The following ASIC2 variants were observed in gnomAD, a reference collection of about 807,000 sequenced individuals.
ASIC2 encodes the protein acid sensing ion channel subunit 2.
In ASIC2, 25 loss-of-function variants were observed where a neutral mutation model predicts 57.3. The observed-to-expected ratio is 0.44, with a 90% CI of 0.32 to 0.61. ASIC2 has a LOEUF of 0.61. Among genes scored for constraint, ASIC2 ranks in the 20% least tolerant of loss-of-function variants. The probability of loss-of-function intolerance (pLI) is 0.06; values close to 1 mark genes in which losing one functional copy is unlikely to be tolerated. For synonymous variants in ASIC2, 319 were observed against 307.5 expected (o/e 1.04, Z -0.39); for missense variants, 641 against 738.1 (o/e 0.87, Z 1.52).
chr17:33,248,866 T>G (rs2142129103), intron 1 of ASIC2, among the ~76,000 whole-genome samples: 1 of 152,362 alleles, frequency 6.6e-6, no homozygotes, highest in South Asian at 2.1e-4. Context: ...TAATCATTCC[T>G]GCAAAGAGTC....
rs116647672 is a variant in ASIC2 at position 33,237,973 on chromosome 17, C to T, written c.708+53435G>A. Among the ~76,000 whole-genome samples, 309 of 152,266 alleles carry T rather than the reference C, an allele frequency of 2.0e-3. 1 individual carries two copies. The highest frequency in any genetic ancestry group is 7.0e-3 in the African/African-American group (293 of 41,564). On this transcript the variant is annotated intron_variant, in intron 1 of 9. Coordinates refer to ENST00000225823, the MANE Select transcript of ASIC2 (RefSeq NM_183377.2). The stretch of plus-strand genomic sequence containing the variant: ...TCATACACTATCTCACTAAATCCTT[C>T]CCATGGAACTGGGAGCTATTGTTAA...
chr17:34,018,957 G>T (rs1432328803), intron 1 of ASIC2, among the ~76,000 whole-genome samples: 3 of 152,060 alleles, frequency 2.0e-5, no homozygotes, highest in Non-Finnish European at 4.4e-5. Context: ...ACCCAGGCTG[G>T]AGTGCAGTGG....
chr17:33,315,046 C>A (rs1906587566), intron 1 of ASIC2, among the ~76,000 whole-genome samples: 1 of 152,156 alleles, frequency 6.6e-6, no homozygotes, highest in Non-Finnish European at 1.5e-5. Context: ...CATTTCCATT[C>A]CTTATTATCT....
intron 1 of ASIC2, among the ~76,000 whole-genome samples, chr17:33,114,724 A>C (rs993854962): frequency 6.6e-6 from 1 of 152,204 alleles, no homozygotes; most frequent in African/African-American, 2.4e-5. Flanking sequence ...AAGAATTGAA[A>C]AGGGTCTTAG....
chr17:33,540,514 C>T lies in ASIC2; in HGVS notation c.556-428447G>A, dbSNP rs1484075114. On this transcript the variant is annotated intron_variant, in intron 1 of 9. Coordinates refer to the ASIC2 transcript ENST00000359872. ...AGGGGAGGTCAGGCTAGCTGGTCTACCTGGACCCTCTTAGGGAGGGTTCAT... is the reference window on the plus strand; with the variant it reads ...AGGGGAGGTCAGGCTAGCTGGTCTATCTGGACCCTCTTAGGGAGGGTTCAT... 2.6e-5 allele frequency among the ~76,000 whole-genome samples: 4 copies of T among 152,210 alleles called. No individual in the cohort carries two copies. The South Asian group carries it at 8.3e-4, about 32-fold the overall frequency.
intron 1 of ASIC2, among the ~76,000 whole-genome samples, chr17:33,324,526 G>A (rs1260737543): frequency 6.6e-6 from 1 of 152,034 alleles, no homozygotes; most frequent in Non-Finnish European, 1.5e-5. Flanking sequence ...TTCTGACCTG[G>A]GGCTGGGAGG....
chr17:33,542,962 A>C (rs1385069386), intron 1 of ASIC2, among the ~76,000 whole-genome samples: 1 of 152,074 alleles, frequency 6.6e-6, no homozygotes. Context: ...AGCCATAAAA[A>C]ATGATGAGTT....
rs554645386 is a variant in ASIC2, at chr17:34,119,321, A to G, written c.555+36657T>C. Among the ~76,000 whole-genome samples the G allele has an allele frequency of 5.3e-5, 8 of 152,208 alleles. No homozygotes were observed. In the South Asian group the frequency reaches 1.7e-3, roughly 32 times the overall value. On this transcript the variant is annotated intron_variant, in intron 1 of 9. Coordinates refer to the ASIC2 transcript ENST00000359872. Reference sequence around the variant, plus strand: ...GTTTCCTTACCTGAAAAAGGGGAAAACAAGATCTCTTCTACAAAGCATTAT... The same window carrying G: ...GTTTCCTTACCTGAAAAAGGGGAAAGCAAGATCTCTTCTACAAAGCATTAT...
intron 3 of ASIC2, among the ~76,000 whole-genome samples, chr17:33,051,343 C>T (rs1156721074): frequency 6.6e-6 from 1 of 152,102 alleles, no homozygotes; most frequent in African/African-American, 2.4e-5. Context: ...CCAGCTGTCT[C>T]CCAATCCTGT....
At chr17:33,281,604 AG>A (rs760989728) in intron 1 of ASIC2, among the ~76,000 whole-genome samples, 7 of 152,246 alleles carry the variant, frequency 4.6e-5, no homozygotes, top group Non-Finnish European at 8.8e-5. Context: ...AGGAAACAAA[AG>A]CTTATACTAA....
chr17:33,877,273 A>C (rs1914572223), intron 1 of ASIC2, among the ~76,000 whole-genome samples: 2 of 152,112 alleles, frequency 1.3e-5, no homozygotes, highest in Non-Finnish European at 2.9e-5. Context: ...CAGTGGGTGC[A>C]GGACAGTGGG....
At chr17:33,382,371 A>G (rs1909518427) in intron 1 of ASIC2, among the ~76,000 whole-genome samples, 2 of 152,288 alleles carry the variant, frequency 1.3e-5, no homozygotes, top group South Asian at 4.1e-4. Flanking sequence ...GAGACACTAC[A>G]CTATGGATAC....
intron 1 of ASIC2, among the ~76,000 whole-genome samples, chr17:33,717,055 A>G (rs1231038915): frequency 1.3e-5 from 2 of 152,062 alleles, no homozygotes; most frequent in African/African-American, 4.8e-5. Flanking sequence ...AAACTTAACA[A>G]CCTCTGCCAG....
intron 1 of ASIC2, among the ~76,000 whole-genome samples, chr17:33,385,536 G>A (rs1185792937): frequency 6.6e-6 from 1 of 152,136 alleles, no homozygotes; most frequent in Non-Finnish European, 1.5e-5. Context: ...CATTACTATT[G>A]CTCATTTTGA....
intron 1 of ASIC2, among the ~76,000 whole-genome samples, chr17:33,656,093 A>T (rs1014922611): frequency 1.3e-5 from 2 of 152,220 alleles, no homozygotes; most frequent in African/African-American, 4.8e-5. Flanking sequence ...TCTTCCCTAG[A>T]AACTAAACCT....
chr17:33,717,328 C>T (rs1452287944), intron 1 of ASIC2, among the ~76,000 whole-genome samples: 1 of 152,246 alleles, frequency 6.6e-6, no homozygotes, highest in East Asian at 1.9e-4. Flanking sequence ...AGGTAGAGAG[C>T]AAAGGCAAAT....
chr17:33,586,129 A>G (rs1904622221), intron 1 of ASIC2, among the ~76,000 whole-genome samples: 1 of 152,014 alleles, frequency 6.6e-6, no homozygotes, highest in South Asian at 2.1e-4. Context: ...GGCAAAGAAG[A>G]GTGTCCACCG....
chr17:33,317,447 CTG>C (rs544178741), intron 1 of ASIC2, among the ~76,000 whole-genome samples: 119 of 152,326 alleles, frequency 7.8e-4, no homozygotes, highest in African/African-American at 2.7e-3. Context: ...TCTTTGAGCT[CTG>C]TATGGTCAGA....
intron 1 of ASIC2, among the ~76,000 whole-genome samples, chr17:34,120,716 G>T (rs1290669552): frequency 1.4e-5 from 2 of 141,940 alleles, no homozygotes; most frequent in African/African-American, 2.6e-5. Flanking sequence ...AATGACTGGG[G>T]TCCTTCTTTT....
Sources: gnomAD v4.1 joint callset for allele counts (sites outside exome capture counted in the v4.1 genomes callset) on GRCh38, gnomAD v4.1.1 for gene constraint, MANE v1.5 for transcripts, NCBI Gene and HGNC (gene_info 2026-07-23, HGNC 2026-07-21) for gene names.